USP42: variants seen among roughly 807,000 people sequenced by gnomAD.
USP42 encodes ubiquitin carboxyl-terminal hydrolase 42.
In USP42, 23 loss-of-function variants were observed where a neutral mutation model predicts 113.0. The observed-to-expected ratio is 0.20, with a 90% CI of 0.15 to 0.29. The LOEUF (loss-of-function observed/expected upper bound fraction) is 0.29, where lower values mean the gene tolerates loss of function less well. USP42 is among the 10% of genes least tolerant of loss of function. USP42 has a pLI of 1.00. For missense variants in USP42, 2,174 were observed against 1,779.8 expected (o/e 1.22, Z -3.99); for synonymous variants, 933 against 699.0 (o/e 1.33, Z -5.28).
chr7:6,103,682 C>T (rs766327380), upstream of USP42, among the ~76,000 whole-genome samples: 1 of 135,306 alleles, frequency 7.4e-6, no homozygotes, highest in Non-Finnish European at 1.5e-5. Flanking sequence ...GGGACAATCG[C>T]TTGATCTCAG....
chr7:6,105,595 A>C (rs963162792), intron 1 of USP42, among the ~76,000 whole-genome samples: 1 of 151,176 alleles, frequency 6.6e-6, no homozygotes, highest in Non-Finnish European at 1.5e-5. Context: ...CCCCCTCCCC[A>C]GGCCTAGCCA....
chr7:6,098,654 C>G, the USP42 span, among the ~76,000 whole-genome samples: 1 of 150,326 alleles, frequency 6.7e-6, no homozygotes, highest in Non-Finnish European at 1.5e-5. Context: ...CCGGTTCAAA[C>G]GATTCTCCTG....
the USP42 span, among the ~76,000 whole-genome samples, chr7:6,092,486 C>G: frequency 6.6e-6 from 1 of 150,948 alleles, no homozygotes; most frequent in Non-Finnish European, 1.5e-5. Flanking sequence ...GCCTCAAGGA[C>G]CTATTTCAAG....
rs1169215092 is a variant in USP42, at chr7:6,145,568, A to G, written c.1043A>G (p.Asn348Ser). 1 of 1,613,950 alleles carries G rather than the reference A, an allele frequency of 6.2e-7. No individual in the cohort carries two copies. The change falls in exon 10 of 18, where the codon AAC (asparagine) becomes AGC (serine). Residue 348 changes from asparagine (N) to serine (S), a missense_variant. Transcript: ENST00000306177. Reference sequence around the variant, plus strand: ...ATTCGGCCATATATGTCTCAACCCAACGGAGAGCCAATTGTCTACGTCTTG... The same window carrying G: ...ATTCGGCCATATATGTCTCAACCCAGCGGAGAGCCAATTGTCTACGTCTTG... ...LDIRPYMSQP[N>S]GEPIVYVLYA...
At chr7:6,100,392 T>C (rs1280108779), upstream of USP42, among the ~76,000 whole-genome samples, 1 of 150,362 alleles carries the variant, frequency 6.7e-6, no homozygotes, top group Non-Finnish European at 1.5e-5. Flanking sequence ...TGCAATGGTA[T>C]GGCCTCAGCT....
the USP42 span, among the ~76,000 whole-genome samples, chr7:6,087,665 C>T: frequency 8.6e-5 from 13 of 151,044 alleles, no homozygotes; most frequent in East Asian, 1.9e-3. Flanking sequence ...TTTCATTATA[C>T]GAAGTTGAGA....
intron 1 of USP42, among the ~76,000 whole-genome samples, chr7:6,107,574 T>A (rs890038962): frequency 6.6e-6 from 1 of 151,982 alleles, no homozygotes; most frequent in African/African-American, 2.4e-5. Context: ...CACGCCTGGC[T>A]AATTTTGTAT....
At position 6,159,958 on chromosome 7, in the gene USP42, C is replaced by A. The variant is rs931220306; in HGVS notation, c.*36+465C>A. Among the ~76,000 whole-genome samples, 2 of 152,236 alleles carry A rather than the reference C, an allele frequency of 1.3e-5. No homozygotes were observed. The highest frequency in any genetic ancestry group is 6.5e-5 in the Admixed American group (1 of 15,282). On this transcript the variant is annotated intron_variant, in intron 17 of 17. Transcript: ENST00000306177. This position sits in a 1 kb window ranked among gnomAD's most constrained non-coding sequence, Gnocchi z 4.1. ...CACTGAGCTGGAGCCAGCACCCCCC[C>A]AGCAGCCACCGTACAAAACCATAGG...
intron 2 of USP42, among the ~76,000 whole-genome samples, chr7:6,114,505 G>A (rs1385830370): frequency 1.3e-5 from 2 of 150,886 alleles, no homozygotes; most frequent in African/African-American, 2.4e-5. Flanking sequence ...TTGTATTTTA[G>A]TGTATACATC....
the USP42 span, among the ~76,000 whole-genome samples, chr7:6,083,928 C>T: frequency 1.3e-5 from 2 of 151,232 alleles, no homozygotes; most frequent in East Asian, 3.9e-4. Flanking sequence ...ACCTCCTGCC[C>T]CTTTTTTCTA....
In USP42 at chr7:6,111,285, C is replaced by G. The variant is rs1779582792; in HGVS notation, c.152C>G (p.Thr51Arg). The change falls in exon 2 of 18, where the codon ACA (threonine) becomes AGA (arginine). Residue 51 changes from threonine (T) to arginine (R), a missense_variant. By Grantham distance (71) the Thr-to-Arg change is moderately conservative. Coordinates refer to ENST00000306177, the MANE Select transcript of USP42 (RefSeq NM_032172.3). Reference sequence around the variant, plus strand: ...TCATTGAATGATGTGTCAAATCACACACTTTCTTTAGGACCAGTACCTGGT... The same window carrying G: ...TCATTGAATGATGTGTCAAATCACAGACTTTCTTTAGGACCAGTACCTGGT... ...VSSLNDVSNH[T>R]LSLGPVPGAV... 1 of 1,607,334 alleles carries G rather than the reference C, an allele frequency of 6.2e-7. No homozygotes were observed. The highest frequency in any genetic ancestry group is 8.5e-7 in the Non-Finnish European group (1 of 1,176,630).
rs374545879 is a variant in USP42, at chr7:6,123,495, C to G, written c.442+7972C>G. 4.6e-5 allele frequency among the ~76,000 whole-genome samples: 7 copies of G among 152,024 alleles called. No homozygotes were observed. The South Asian group carries it at 1.2e-3, about 27-fold the overall frequency. On this transcript the variant is annotated intron_variant, in intron 3 of 17. Transcript: ENST00000306177. Reference sequence around the variant, plus strand: ...TGGCTAACACGGTGAAACCCCGTCTCTACTAAAAATACAAATATTAGCCAG... The same window carrying G: ...TGGCTAACACGGTGAAACCCCGTCTGTACTAAAAATACAAATATTAGCCAG...
chr7:6,106,141 C>G (rs1019493608), intron 1 of USP42, among the ~76,000 whole-genome samples: 1 of 152,188 alleles, frequency 6.6e-6, no homozygotes, highest in African/African-American at 2.4e-5. Flanking sequence ...GTCAGTTTCA[C>G]TTTCTCTTCT....
At chr7:6,101,254 T>G (rs1562789719), upstream of USP42, among the ~76,000 whole-genome samples, 1 of 150,848 alleles carries the variant, frequency 6.6e-6, no homozygotes, top group Admixed American at 6.6e-5. Context: ...AGGACCTGGG[T>G]GGGGCATTAA....
Position 6,153,878 on chromosome 7 carries a change from C to G in USP42, c.2324C>G (p.Ala775Gly), listed in dbSNP as rs751417357. Residue 775 changes from alanine to glycine, a missense_variant, in exon 15 of 18, where the codon GCT (alanine) becomes GGT (glycine). Coordinates refer to ENST00000306177, the MANE Select transcript of USP42 (RefSeq NM_032172.3). Reference protein sequence around the residue: ...AAAGLSSTKKAPPPRDPGTPA... With the variant: ...AAAGLSSTKKGPPPRDPGTPA... ...GCCGGCCTCAGCAGCACCAAGAAGG[C>G]TCCGCCGCCCCGCGATCCCGGCACC... The G allele has an allele frequency of 1.9e-6, 3 of 1,563,216 alleles. No homozygotes were observed. The highest frequency in any genetic ancestry group is 2.6e-6 in the Non-Finnish European group (3 of 1,155,888).
intron 3 of USP42, among the ~76,000 whole-genome samples, chr7:6,123,587 C>T (rs944323474): frequency 9.2e-5 from 14 of 151,928 alleles, no homozygotes; most frequent in African/African-American, 1.9e-4. Context: ...GCATAAACCC[C>T]GGGAGGCAGA....
the USP42 span, among the ~76,000 whole-genome samples, chr7:6,092,393 G>T: frequency 6.6e-6 from 1 of 150,502 alleles, no homozygotes; most frequent in Non-Finnish European, 1.5e-5. Flanking sequence ...TGGCCAGGCT[G>T]GTCTTGAACT....
Position 6,156,787 on chromosome 7 carries a change from C to T in USP42, c.3675C>T (p.Cys1225=). Residue 1225 remains cysteine (C), a synonymous_variant, in exon 16 of 18, where the codon TGC becomes TGT. Transcript: ENST00000306177. The part of the protein sequence containing the change: ...HQQDSDLSAA[C]SDADLHRHKK... ...AGGACTCAGACCTCTCAGCAGCGTG[C>T]TCTGACGCTGACCTCCACAGACACA... 6.3e-7 allele frequency: 1 copy of T among 1,586,452 alleles called. No individual in the cohort carries two copies. The highest frequency in any genetic ancestry group is 1.4e-5 in the African/African-American group (1 of 73,458).
At chr7:6,109,962 A>C (rs547315794) in intron 1 of USP42, among the ~76,000 whole-genome samples, 3 of 151,400 alleles carry the variant, frequency 2.0e-5, no homozygotes, top group African/African-American at 7.3e-5. Flanking sequence ...CGGCCTCCCA[A>C]AATGCTGGGA....
Sources: gnomAD v4.1 joint callset for allele counts (sites outside exome capture counted in the v4.1 genomes callset) on GRCh38, gnomAD v4.1.1 for gene constraint, Gnocchi (gnomAD v3.1) non-coding constraint, MANE v1.5 for transcripts, NCBI Gene and HGNC (gene_info 2026-07-23, HGNC 2026-07-21) for gene names.